The following EFTUD2 variants were observed in gnomAD, a reference collection of about 807,000 sequenced individuals.
The protein encoded by EFTUD2 is elongation factor Tu GTP binding domain containing 2.
A neutral mutation model predicts 114.3 loss-of-function variants in EFTUD2; 9 were observed. The ratio of observed to expected loss-of-function variants is 0.08; its 90% confidence interval spans 0.05 to 0.14. The LOEUF is 0.14. Among genes scored for constraint, EFTUD2 ranks in the 10% least tolerant of loss-of-function variants. The pLI, the probability that EFTUD2 is intolerant of heterozygous loss-of-function variation, is 1.00. For synonymous variants in EFTUD2, 449 were observed against 462.3 expected (o/e 0.97, Z 0.37); for missense variants, 765 against 1,241.2 (o/e 0.62, Z 5.76).
chr17:44,868,612 T>C (rs1194346190), intron 11 of EFTUD2: 3 of 449,620 alleles, frequency 6.7e-6, no homozygotes, highest in African/African-American at 2.0e-5. Flanking sequence ...GATTGAACTA[T>C]GGACAAGAGC....
chr17:44,853,001 C>A (rs1289898701), intron 25 of EFTUD2, among the ~76,000 whole-genome samples: 1 of 152,166 alleles, frequency 6.6e-6, no homozygotes, highest in Non-Finnish European at 1.5e-5. Flanking sequence ...CTGACTCAGC[C>A]TCCCAAGTAG....
rs984147195 is a variant in EFTUD2 at position 44,851,082 on chromosome 17, A to G, written c.*192T>C. The G allele has an allele frequency of 1.8e-6, 1 of 559,778 alleles. No individual in the cohort carries two copies. Among genetic ancestry groups the G allele is most frequent in the East Asian group, 2.9e-5 (1 of 34,340 alleles). The allele number at this position is 559,778 out of a possible 1,614,324, so 34.7% of individuals were successfully genotyped here. A position where few individuals can be genotyped will look rare whatever the true frequency, so the allele number is the denominator to read the frequency against. ...GAATGGAGCCCGGCAGAGGCCACAG[A>G]AGGAAGCAGGAGGCCAAATGCTCCT... On this transcript the variant is annotated 3_prime_UTR_variant, in exon 28 of 28. Transcript: ENST00000426333.
chr17:44,865,026 C>G lies in EFTUD2; in HGVS notation c.1189G>C (p.Asp397His), dbSNP rs1315955329. The G allele has an allele frequency of 6.2e-7, 1 of 1,614,162 alleles. No individual in the cohort carries two copies. The highest frequency in any genetic ancestry group is 2.2e-5 in the East Asian group (1 of 44,890). Residue 397 changes from aspartate (D) to histidine (H), a missense_variant, in exon 14 of 28, where the codon GAC becomes CAC. By Grantham distance (81) the Asp-to-His change is moderately conservative. Coordinates refer to ENST00000426333, the MANE Select transcript of EFTUD2 (RefSeq NM_004247.4). ...DVDTSLPRTL[D>H]ELGIHLTKEE... ...TTCGTCAGGTGGATGCCAAGCTCGT[C>G]TAGGGTCCGTGGGAGGCTGGTGTCC...
rs753056721 is a variant in EFTUD2 at position 44,863,737 on chromosome 17, C to T, written c.1331G>A (p.Gly444Asp). 7.4e-6 allele frequency: 12 copies of T among 1,614,018 alleles called. No individual in the cohort carries two copies. The highest frequency in any genetic ancestry group is 2.5e-6 in the Non-Finnish European group (3 of 1,180,000). ...CVQHIPSPKVGAKPKIEHTYT... is the reference protein window; with the variant it reads ...CVQHIPSPKVDAKPKIEHTYT... ...GGTGTGCTCAATCTTGGGCTTGGCGCCCACCTTTGGAGAAGGGATATGCTG... is the reference window on the plus strand; with the variant it reads ...GGTGTGCTCAATCTTGGGCTTGGCGTCCACCTTTGGAGAAGGGATATGCTG... Residue 444 changes from glycine (G) to aspartate (D), a missense_variant, in exon 15 of 28, where the codon GGC becomes GAC. Physicochemically the swap from Gly to Asp is moderately conservative, Grantham distance 94. Around this residue, in one of 6 missense-constraint regions of EFTUD2, gnomAD observed 59 missense variants for 50.1 expected, o/e 1.18. Coordinates refer to ENST00000426333, the MANE Select transcript of EFTUD2 (RefSeq NM_004247.4).
chr17:44,855,678 C>T (rs1241488755), intron 20 of EFTUD2, among the ~76,000 whole-genome samples: 1 of 152,064 alleles, frequency 6.6e-6, no homozygotes, highest in African/African-American at 2.4e-5. Context: ...CAGCCGGGTG[C>T]GATGGCTCAT....
At chr17:44,883,047 T>G (rs1231952925) in intron 6 of EFTUD2, 46 bp downstream of exon 6, 2 of 1,587,158 alleles carry the variant, frequency 1.3e-6, no homozygotes, top group South Asian at 1.1e-5. Context: ...CATCTCTATC[T>G]GTTCTGAATG....
intron 1 of EFTUD2, among the ~76,000 whole-genome samples, chr17:44,896,678 G>T (rs1024245273): frequency 7.2e-5 from 11 of 151,966 alleles, no homozygotes; most frequent in African/African-American, 2.4e-4. Context: ...TAAACAAATA[G>T]TAGTTACTAA....
chr17:44,883,628 T>G, intron 5 of EFTUD2, 21 bp downstream of exon 5: 1 of 1,608,280 alleles, frequency 6.2e-7, no homozygotes. Context: ...CTGTTCCAAG[T>G]AGCTGAAAGT....
At chr17:44,857,758 G>A (rs2050582862) in intron 19 of EFTUD2, 1 of 153,908 alleles carries the variant, frequency 6.5e-6, no homozygotes, top group African/African-American at 2.4e-5. Flanking sequence ...GCTACATCAA[G>A]GCTTGACAAA....
At chr17:44,860,371 ATG>A in intron 17 of EFTUD2, 59 bp downstream of exon 17, 1 of 1,170,538 alleles carries the variant, frequency 8.5e-7, no homozygotes, top group Non-Finnish European at 1.3e-6. Context: ...GTTTGTGCTC[ATG>A]TGTGTCCCTG....
chr17:44,891,086 G>A (rs182982621), intron 2 of EFTUD2, among the ~76,000 whole-genome samples: 1 of 152,218 alleles, frequency 6.6e-6, no homozygotes, highest in East Asian at 1.9e-4. Flanking sequence ...CACAGCAACA[G>A]GGAGAAACCC....
chr17:44,897,628 G>A (rs529297870), intron 1 of EFTUD2, among the ~76,000 whole-genome samples: 15 of 152,168 alleles, frequency 9.9e-5, no homozygotes, highest in East Asian at 9.7e-4. Flanking sequence ...GCAGTGGCAC[G>A]ATCTCGACTC....
At chr17:44,898,095 T>C (rs748534857) in intron 1 of EFTUD2, among the ~76,000 whole-genome samples, 3 of 152,230 alleles carry the variant, frequency 2.0e-5, no homozygotes, top group Non-Finnish European at 2.9e-5. Flanking sequence ...AATAATTAAA[T>C]GTAAATTATT....
intron 1 of EFTUD2, among the ~76,000 whole-genome samples, chr17:44,898,546 G>GT (rs1567759981): frequency 1.3e-5 from 2 of 152,294 alleles, no homozygotes; most frequent in East Asian, 3.9e-4. Context: ...ATAGAAAGCT[G>GT]TTCATGGAAC....
At chr17:44,867,773 A>T (rs748533251) in intron 13 of EFTUD2, 34 bp downstream of exon 13, 2 of 1,500,760 alleles carry the variant, frequency 1.3e-6, no homozygotes, top group East Asian at 4.7e-5. Flanking sequence ...TGCTTATAAG[A>T]GCAGATCTGC....
intron 10 of EFTUD2, among the ~76,000 whole-genome samples, chr17:44,874,799 T>C (rs1204717576): frequency 6.6e-6 from 1 of 152,256 alleles, no homozygotes; most frequent in African/African-American, 2.4e-5. Flanking sequence ...GTTCTTAATT[T>C]ATTTAGACTG....
chr17:44,876,161 A>G, intron 9 of EFTUD2, 61 bp from the exon 10 acceptor site: 1 of 1,542,510 alleles, frequency 6.5e-7, no homozygotes, highest in Non-Finnish European at 8.8e-7. Context: ...AGTTCAAAGC[A>G]GAACCAAAGA....
chr17:44,869,587 C>G (rs2050810966), intron 11 of EFTUD2, among the ~76,000 whole-genome samples: 2 of 152,216 alleles, frequency 1.3e-5, no homozygotes, highest in Non-Finnish European at 2.9e-5. Flanking sequence ...GCATGAGCCA[C>G]TGGACCTAGC....
intron 19 of EFTUD2, among the ~76,000 whole-genome samples, chr17:44,858,754 T>C (rs1255960826): frequency 6.6e-6 from 1 of 152,114 alleles, no homozygotes; most frequent in African/African-American, 2.4e-5. Flanking sequence ...GGCTATTTTT[T>C]TTATTTTAAT....
Sources: allele counts gnomAD v4.1 joint callset (sites outside exome capture counted in the v4.1 genomes callset), GRCh38; gene constraint gnomAD v4.1.1; regional missense constraint gnomAD v4.1.1; transcripts MANE v1.5; gene names NCBI Gene and HGNC (gene_info 2026-07-23, HGNC 2026-07-21).